Variants in ARHGAP44 observed in about 807,000 individuals in gnomAD.
ARHGAP44 encodes Rho GTPase activating protein 44.
A neutral mutation model predicts 106.8 loss-of-function variants in ARHGAP44; 43 were observed. The ratio of observed to expected loss-of-function variants is 0.40; its 90% CI spans 0.32 to 0.52. The LOEUF (loss-of-function observed/expected upper bound fraction) is 0.52. Among genes scored for constraint, ARHGAP44 ranks in the 20% least tolerant of loss-of-function variants. The probability of loss-of-function intolerance (pLI) is 0.48; values close to 1 mark genes in which losing one functional copy is unlikely to be tolerated. For synonymous variants in ARHGAP44, 439 were observed against 410.3 expected, an observed-to-expected ratio of 1.07 and a Z score of -0.85; for missense variants, 866 against 1,050.5, an observed-to-expected ratio of 0.82 and a Z score of 2.43.
intron 8 of ARHGAP44, among the ~76,000 whole-genome samples, chr17:12,943,360 C>T (rs936684522): frequency 6.6e-6 from 1 of 152,202 alleles, no homozygotes; most frequent in Non-Finnish European, 1.5e-5. Context: ...AAGAGCTCCC[C>T]CTATTCCTGT....
chr17:12,903,121 AGAGAGGAGAGAGAGAGAGAGTGT>A lies in ARHGAP44; in HGVS notation c.199-5774_199-5752del, dbSNP rs2037433622. On this transcript the variant is annotated intron_variant, in intron 3 of 20. Coordinates refer to ENST00000379672, the MANE Select transcript of ARHGAP44 (RefSeq NM_014859.6). ...GAGAGAGAGAGAGAGAGAGAGAGAG[AGAGAGGAGAGAGAGAGAGAGTGT>A]GTGTGTGTGTGTGTGTGTGTGTGTG... is the stretch of plus-strand genomic sequence containing the variant. 5.9e-5 allele frequency among the ~76,000 whole-genome samples: 5 copies of A among 84,732 alleles called. No individual in the cohort carries two copies. The South Asian group carries it at 2.2e-3, about 37-fold the overall frequency. 55.6% of individuals were successfully genotyped at this position (84,732 alleles called of 152,430 possible). A position where few individuals can be genotyped will look rare whatever the true frequency, so the allele number is the denominator to read the frequency against.
Position 12,915,148 on chromosome 17 carries a change from C to T in ARHGAP44, c.276-752C>T, listed in dbSNP as rs1004669765. The stretch of plus-strand genomic sequence containing the variant: ...CTGCCTCCCAGGTACAAGTGATTCT[C>T]GTGCCTCAGCCTCCAGAGAAGCTGG... On this transcript the variant is annotated intron_variant, in intron 4 of 20. Transcript: ENST00000379672. Among the ~76,000 whole-genome samples, 7 of 152,206 alleles carry T rather than the reference C, an allele frequency of 4.6e-5. No individual in the cohort carries two copies. In the South Asian group the frequency reaches 6.2e-4, roughly 13 times the overall value.
chr17:12,871,361 A>G (rs1347886758), intron 1 of ARHGAP44, among the ~76,000 whole-genome samples: 1 of 152,156 alleles, frequency 6.6e-6, no homozygotes, highest in Admixed American at 6.5e-5. Flanking sequence ...GCACTGCTGT[A>G]AAGAACTACC....
At chr17:12,873,723 G>A (rs561452643) in intron 1 of ARHGAP44, among the ~76,000 whole-genome samples, 1 of 151,918 alleles carries the variant, frequency 6.6e-6, no homozygotes, top group Non-Finnish European at 1.5e-5. Flanking sequence ...CATGGTGAAA[G>A]CCCGTCTCTA....
chr17:12,806,657 G>A (rs1055687699), intron 1 of ARHGAP44, among the ~76,000 whole-genome samples: 5 of 152,296 alleles, frequency 3.3e-5, no homozygotes, highest in African/African-American at 1.2e-4. Flanking sequence ...ATTCCCATAG[G>A]TGCATATTTT....
intron 1 of ARHGAP44, among the ~76,000 whole-genome samples, chr17:12,849,220 T>C (rs1164821401): frequency 6.6e-6 from 1 of 151,660 alleles, no homozygotes; most frequent in Non-Finnish European, 1.5e-5. Context: ...TGGGCGTGTG[T>C]GTGTGTGTGT....
intron 17 of ARHGAP44, chr17:12,973,677 C>G: frequency 4.2e-6 from 2 of 479,598 alleles, no homozygotes; most frequent in Non-Finnish European, 7.4e-6. Flanking sequence ...CCCACCTCGT[C>G]TTGCACTTGG....
At chr17:12,850,168 A>G (rs1384843048) in intron 1 of ARHGAP44, among the ~76,000 whole-genome samples, 2 of 152,206 alleles carry the variant, frequency 1.3e-5, no homozygotes, top group East Asian at 3.9e-4. Flanking sequence ...ACATTTTCCA[A>G]CCAGCTCCAT....
At chr17:12,918,153 C>T (rs746656618) in intron 5 of ARHGAP44, among the ~76,000 whole-genome samples, 4 of 152,178 alleles carry the variant, frequency 2.6e-5, no homozygotes, top group Admixed American at 6.5e-5. Flanking sequence ...GGAGCAAGTC[C>T]GTTGTGGGTG....
chr17:12,974,321 G>A lies in ARHGAP44; in HGVS notation c.1763+11G>A. The A allele has an allele frequency of 7.2e-7, 1 of 1,395,350 alleles. No individual in the cohort carries two copies. Among genetic ancestry groups the A allele is most frequent in the Non-Finnish European group, 9.2e-7 (1 of 1,081,660 alleles). 86.4% of individuals were successfully genotyped at this position (1,395,350 alleles called of 1,614,324 possible). A position where few individuals can be genotyped will look rare whatever the true frequency, so the allele number is the denominator to read the frequency against. On this transcript the variant is annotated intron_variant, in intron 18 of 20. Coordinates refer to ENST00000379672, the MANE Select transcript of ARHGAP44 (RefSeq NM_014859.6). ...GCCCGAGCGCACCAGGTAAGCGCGGGCCACTGCCGTCCGGGCGGGCTGGTG... is the reference window on the plus strand; with the variant it reads ...GCCCGAGCGCACCAGGTAAGCGCGGACCACTGCCGTCCGGGCGGGCTGGTG...
At chr17:12,938,934 AT>A (rs1489271852) in intron 7 of ARHGAP44, among the ~76,000 whole-genome samples, 1 of 152,214 alleles carries the variant, frequency 6.6e-6, no homozygotes, top group East Asian at 1.9e-4. Flanking sequence ...AGAAGCACAG[AT>A]GCCGAGATGT....
intron 7 of ARHGAP44, among the ~76,000 whole-genome samples, chr17:12,940,010 T>G (rs1368833559): frequency 7.2e-5 from 11 of 152,204 alleles, no homozygotes; most frequent in Admixed American, 7.2e-4. Flanking sequence ...AGAATAGGCT[T>G]AATTAGCAGC....
At chr17:12,790,026 C>G (rs992743393) in intron 1 of ARHGAP44, 135 bp downstream of exon 1, 2 of 834,400 alleles carry the variant, frequency 2.4e-6, no homozygotes, top group South Asian at 2.0e-5. Flanking sequence ...TCCCTCCAGG[C>G]GCCGCTCGCA....
At chr17:12,977,819 C>CCTGAA (rs1362178828) in intron 18 of ARHGAP44, among the ~76,000 whole-genome samples, 1 of 151,976 alleles carries the variant, frequency 6.6e-6, no homozygotes, top group African/African-American at 2.4e-5. Context: ...GGGGGTGGAT[C>CCTGAA]CTGAGGTCAG....
intron 1 of ARHGAP44, 45 bp downstream of exon 1, chr17:12,789,936 T>G: frequency 6.7e-7 from 1 of 1,487,208 alleles, no homozygotes; most frequent in South Asian, 1.3e-5. Context: ...CCCGCGAGGC[T>G]GCATCCGCAG....
At chr17:12,919,480 G>A (rs987538250) in intron 5 of ARHGAP44, among the ~76,000 whole-genome samples, 1 of 149,864 alleles carries the variant, frequency 6.7e-6, no homozygotes, top group African/African-American at 2.5e-5. Context: ...TTGCCTCCTG[G>A]GTTCAAGTGA....
intron 8 of ARHGAP44, among the ~76,000 whole-genome samples, chr17:12,941,893 A>G (rs1311826742): frequency 2.0e-5 from 3 of 152,240 alleles, no homozygotes; most frequent in Non-Finnish European, 2.9e-5. Context: ...AAAGTTGGGA[A>G]TAAAAGGCTA....
intron 18 of ARHGAP44, among the ~76,000 whole-genome samples, chr17:12,978,555 C>A (rs2039752518): frequency 1.4e-5 from 1 of 71,722 alleles, no homozygotes. Context: ...GCTCCCTGCT[C>A]CCAGTCTTTC....
At chr17:12,986,936 T>C (rs1055906630) in intron 20 of ARHGAP44, 2 of 634,148 alleles carry the variant, frequency 3.2e-6, no homozygotes, top group Admixed American at 5.8e-5. Flanking sequence ...GACTGTTGTT[T>C]TGTCCCATAC....
Sources: allele counts gnomAD v4.1 joint callset (sites outside exome capture counted in the v4.1 genomes callset), GRCh38; gene constraint gnomAD v4.1.1; transcripts MANE v1.5; gene names NCBI Gene and HGNC (gene_info 2026-07-23, HGNC 2026-07-21).